Variants in CHIC2 observed in about 807,000 individuals in gnomAD.
The protein encoded by CHIC2 is cysteine rich hydrophobic domain 2, also known as cysteine-rich hydrophobic domain-containing protein 2.
In CHIC2, 14 loss-of-function variants were observed where a neutral mutation model predicts 25.9. The observed-to-expected ratio is 0.54, with a 90% confidence interval of 0.36 to 0.85. The LOEUF (loss-of-function observed/expected upper bound fraction) is 0.85, where lower values mean the gene tolerates loss of function less well. Among genes scored for constraint, CHIC2 ranks in the 40% least tolerant of loss-of-function variants. CHIC2 has a pLI of 0.01. For synonymous variants in CHIC2, 70 were observed against 72.0 expected, an observed-to-expected ratio of 0.97 and a Z score of 0.14; for missense variants, 146 against 202.0, an observed-to-expected ratio of 0.72 and a Z score of 1.68.
the CHIC2 span, among the ~76,000 whole-genome samples, chr4:54,076,285 C>CA: frequency 0.014 from 2,000 of 146,920 alleles, 22 homozygotes; most frequent in Middle Eastern, 0.056. Flanking sequence ...AAATCTGTCT[C>CA]AAAAAAAAAA....
chr4:54,018,257 T>C (rs1489563062), intron 3 of CHIC2, among the ~76,000 whole-genome samples: 1 of 152,148 alleles, frequency 6.6e-6, no homozygotes, highest in African/African-American at 2.4e-5. Context: ...AAAGCACACA[T>C]ACACCTAGAC....
At chr4:54,028,572 C>T (rs1434643112) in intron 3 of CHIC2, among the ~76,000 whole-genome samples, 1 of 152,114 alleles carries the variant, frequency 6.6e-6, no homozygotes, top group East Asian at 1.9e-4. Context: ...CTGATGTTAC[C>T]ATGATATTTT....
intron 1 of CHIC2, among the ~76,000 whole-genome samples, chr4:54,055,784 C>A (rs758534271): frequency 6.6e-6 from 1 of 152,102 alleles, no homozygotes; most frequent in Non-Finnish European, 1.5e-5. Context: ...GGCTTTGATG[C>A]ATATAAATCA....
At chr4:54,031,457 A>T (rs1314265575) in intron 3 of CHIC2, among the ~76,000 whole-genome samples, 3 of 152,112 alleles carry the variant, frequency 2.0e-5, no homozygotes, top group African/African-American at 7.2e-5. Context: ...TTGAACACCA[A>T]GTAGATGCTA....
chr4:54,069,455 C>T (rs561807978), upstream of CHIC2, among the ~76,000 whole-genome samples: 446 of 152,376 alleles, frequency 2.9e-3, no homozygotes, highest in African/African-American at 0.01. Flanking sequence ...TTTCCCAGCA[C>T]ACGGATGAGT....
At chr4:54,013,937 T>C in intron 4 of CHIC2, 41 bp from the exon 5 acceptor site, 1 of 1,606,016 alleles carries the variant, frequency 6.2e-7, no homozygotes, top group Non-Finnish European at 8.5e-7. Flanking sequence ...ATGAGCTCTA[T>C]TTTATTGCAG....
the CHIC2 span, among the ~76,000 whole-genome samples, chr4:54,090,993 C>T: frequency 2.0e-5 from 3 of 152,002 alleles, no homozygotes; most frequent in African/African-American, 4.8e-5. Context: ...TCTAAGCTAT[C>T]TTGTTCTCAC....
At chr4:54,066,511 A>T (rs1717522560), upstream of CHIC2, among the ~76,000 whole-genome samples, 1 of 152,100 alleles carries the variant, frequency 6.6e-6, no homozygotes, top group African/African-American at 2.4e-5. Flanking sequence ...TGTTTCAGAG[A>T]TGCTATGATA....
chr4:54,023,853 T>C (rs918280762), intron 3 of CHIC2, among the ~76,000 whole-genome samples: 1 of 152,210 alleles, frequency 6.6e-6, no homozygotes, highest in Admixed American at 6.5e-5. Flanking sequence ...TGCTGTTATA[T>C]GGGCTGAAAG....
upstream of CHIC2, chr4:54,064,813 C>T (rs1560401299): frequency 3.8e-6 from 1 of 265,324 alleles, no homozygotes; most frequent in Non-Finnish European, 5.8e-6. This position sits in a 1 kb window ranked among gnomAD's most constrained non-coding sequence, Gnocchi z 4.2. Flanking sequence ...CCGGGGCGCG[C>T]GCTCCCGCCG....
intron 3 of CHIC2, among the ~76,000 whole-genome samples, chr4:54,037,866 T>A (rs74790082): frequency 6.6e-6 from 1 of 151,754 alleles, no homozygotes; most frequent in African/African-American, 2.4e-5. Context: ...AAATACTATA[T>A]AAAAATGTGT....
the CHIC2 span, among the ~76,000 whole-genome samples, chr4:54,071,337 T>G: frequency 6.6e-6 from 1 of 152,268 alleles, no homozygotes; most frequent in South Asian, 2.1e-4. Flanking sequence ...ATACACAACC[T>G]GTATAACACA....
At chr4:54,032,601 AT>A (rs1298917417) in intron 3 of CHIC2, among the ~76,000 whole-genome samples, 4 of 152,192 alleles carry the variant, frequency 2.6e-5, no homozygotes, top group African/African-American at 9.7e-5. Context: ...TTTTATAATG[AT>A]AAAGAGGTCA....
intron 1 of CHIC2, among the ~76,000 whole-genome samples, chr4:54,052,582 T>A (rs895861037): frequency 2.0e-5 from 3 of 152,290 alleles, no homozygotes. Flanking sequence ...TGAACCCCCT[T>A]CAGACTCTAA....
At chr4:54,078,554 C>T in the CHIC2 span, among the ~76,000 whole-genome samples, 4 of 152,056 alleles carry the variant, frequency 2.6e-5, no homozygotes, top group African/African-American at 9.7e-5. Context: ...CTGTCTCTGT[C>T]CCCAGGGCTG....
intron 1 of CHIC2, chr4:54,061,086 G>GT (rs1355338202): frequency 2.0e-5 from 3 of 152,036 alleles, no homozygotes; most frequent in Non-Finnish European, 2.9e-5. Flanking sequence ...AGTATAAAAA[G>GT]TAAGTCTGAT....
At chr4:54,072,985 A>G in the CHIC2 span, among the ~76,000 whole-genome samples, 1 of 152,094 alleles carries the variant, frequency 6.6e-6, no homozygotes, top group Non-Finnish European at 1.5e-5. Flanking sequence ...GGAGAATGGC[A>G]TGAACCCAGG....
intron 3 of CHIC2, among the ~76,000 whole-genome samples, chr4:54,036,550 T>C (rs547197494): frequency 6.6e-6 from 1 of 152,232 alleles, no homozygotes; most frequent in Non-Finnish European, 1.5e-5. Flanking sequence ...TGAAGTTATC[T>C]GCCCCCATGA....
At position 54,009,842 on chromosome 4, in the gene CHIC2, G is replaced by A. The variant is rs1577958672; in HGVS notation, c.*253C>T. 1 of 318,524 alleles carries A rather than the reference G, an allele frequency of 3.1e-6. No individual in the cohort carries two copies. The highest frequency in any genetic ancestry group is 4.6e-5 in the East Asian group (1 of 21,512). The allele number at this position is 318,524 out of a possible 1,614,324, so 19.7% of individuals were successfully genotyped here. A position where few individuals can be genotyped will look rare whatever the true frequency, so the allele number is the denominator to read the frequency against. The stretch of plus-strand genomic sequence containing the variant: ...TTGATAATACAAAAAAGTAATCCTT[G>A]AAAATCAGAATACATAACAGAAAAG... On this transcript the variant is annotated 3_prime_UTR_variant, in exon 6 of 6. Coordinates refer to ENST00000263921, the MANE Select transcript of CHIC2 (RefSeq NM_012110.4).
Sources: gnomAD v4.1 joint callset for allele counts (sites outside exome capture counted in the v4.1 genomes callset) on GRCh38, gnomAD v4.1.1 for gene constraint, Gnocchi (gnomAD v3.1) non-coding constraint, MANE v1.5 for transcripts, NCBI Gene and HGNC (gene_info 2026-07-23, HGNC 2026-07-21) for gene names.